CMIP: variants seen among roughly 807,000 people sequenced by gnomAD.
The protein encoded by CMIP is C-Maf-inducing protein.
In CMIP, 13 loss-of-function variants were observed where a neutral mutation model predicts 97.3. That is an observed-to-expected ratio of 0.13 (90% CI 0.09 to 0.21). The LOEUF (loss-of-function observed/expected upper bound fraction) is 0.21, where lower values mean the gene tolerates loss of function less well. CMIP is among the 10% of genes least tolerant of loss of function. The pLI is 1.00. For synonymous variants in CMIP, 538 were observed against 436.3 expected, an observed-to-expected ratio of 1.23 and a Z score of -2.91; for missense variants, 847 against 1,024.9, an observed-to-expected ratio of 0.83 and a Z score of 2.37.
At chr16:81,592,403 C>A (rs540247233) in intron 1 of CMIP, among the ~76,000 whole-genome samples, 1 of 152,182 alleles carries the variant, frequency 6.6e-6, no homozygotes, top group Non-Finnish European at 1.5e-5. Flanking sequence ...ATGCCTGGCG[C>A]TCCCCTCCTT....
At chr16:81,537,831 A>C (rs1332826924) in intron 1 of CMIP, among the ~76,000 whole-genome samples, 1 of 152,258 alleles carries the variant, frequency 6.6e-6, no homozygotes, top group Non-Finnish European at 1.5e-5. Context: ...ATGAAGTGGC[A>C]GCAAGAGATT....
At chr16:81,639,745 A>C (rs16955705) in intron 3 of CMIP, among the ~76,000 whole-genome samples, 53,055 of 152,056 alleles carry the variant, frequency 0.35, 11,015 homozygotes, top group Non-Finnish European at 0.46. Flanking sequence ...ACCGGCGCTC[A>C]AAAAAGTCCT....
chr16:81,547,176 G>A (rs550578173), intron 1 of CMIP, among the ~76,000 whole-genome samples: 2 of 152,258 alleles, frequency 1.3e-5, no homozygotes, highest in East Asian at 3.9e-4. Context: ...GAGGAGGAGA[G>A]GGATAGCATA....
chr16:81,643,973 G>A (rs1746886372), intron 3 of CMIP, among the ~76,000 whole-genome samples: 1 of 152,096 alleles, frequency 6.6e-6, no homozygotes, highest in Admixed American at 6.5e-5. Context: ...GATTCCCGGA[G>A]GCACTAGGGT....
intron 1 of CMIP, among the ~76,000 whole-genome samples, chr16:81,579,388 C>T (rs542423213): frequency 1.4e-4 from 21 of 152,206 alleles, no homozygotes; most frequent in Non-Finnish European, 2.4e-4. Context: ...CAGCCCCTTC[C>T]TCTGTGCCCC....
intron 1 of CMIP, among the ~76,000 whole-genome samples, chr16:81,550,998 G>C (rs1299889522): frequency 2.2e-5 from 3 of 135,950 alleles, no homozygotes; most frequent in Non-Finnish European, 4.6e-5. Flanking sequence ...ACGCACCCCA[G>C]TCCCGTCACA....
At chr16:81,620,766 G>A (rs2091981734) in intron 2 of CMIP, 110 bp from the exon 3 acceptor site, 3 of 1,293,000 alleles carry the variant, frequency 2.3e-6, no homozygotes, top group Non-Finnish European at 3.3e-6. Context: ...GGGTCACAGG[G>A]CAGACGCTGT....
In CMIP at chr16:81,472,826, G is replaced by C. The variant is rs1186666080; in HGVS notation, c.300+27285G>C. Among the ~76,000 whole-genome samples the C allele has an allele frequency of 2.6e-5, 4 of 152,180 alleles. No individual in the cohort carries two copies. In the East Asian group the frequency reaches 7.7e-4, roughly 29 times the overall value. ...CACAGTGGGGTGTGGAGGCTGGAGG[G>C]ACATCCAGGGGCACATCGTGGCATC... On this transcript the variant is annotated intron_variant, in intron 1 of 20. Coordinates refer to ENST00000537098, the MANE Select transcript of CMIP (RefSeq NM_198390.3).
intron 1 of CMIP, among the ~76,000 whole-genome samples, chr16:81,587,359 G>C (rs143370232): frequency 1.3e-5 from 2 of 152,200 alleles, no homozygotes. Flanking sequence ...ATTTTGAAAG[G>C]TGGAGTGCTG....
chr16:81,686,613 C>T (rs1002583974), intron 10 of CMIP, among the ~76,000 whole-genome samples: 3 of 152,160 alleles, frequency 2.0e-5, no homozygotes, highest in Non-Finnish European at 2.9e-5. Flanking sequence ...TTCTTTTCTC[C>T]GCGTCTGGCA....
At chr16:81,683,754 T>C (rs1905105088) in intron 10 of CMIP, among the ~76,000 whole-genome samples, 1 of 147,732 alleles carries the variant, frequency 6.8e-6, no homozygotes, top group Non-Finnish European at 1.5e-5. Context: ...TTTTTTCTTT[T>C]TCTTTTTTTT....
intron 19 of CMIP, among the ~76,000 whole-genome samples, chr16:81,706,002 C>G (rs575540518): frequency 2.3e-4 from 35 of 152,218 alleles, no homozygotes; most frequent in Middle Eastern, 3.2e-3. Context: ...CCACTCCAGA[C>G]CTCCTGACTC....
At chr16:81,559,271 A>G (rs536570971) in intron 1 of CMIP, among the ~76,000 whole-genome samples, 2 of 152,314 alleles carry the variant, frequency 1.3e-5, no homozygotes, top group East Asian at 1.9e-4. Flanking sequence ...GTGACCCCCA[A>G]GAGTGGGGTG....
chr16:81,547,360 C>T (rs1224607224), intron 1 of CMIP, among the ~76,000 whole-genome samples: 7 of 152,186 alleles, frequency 4.6e-5, no homozygotes, highest in African/African-American at 1.7e-4. Context: ...GATGCTCTGC[C>T]ATCTCTGCAG....
intron 1 of CMIP, chr16:81,607,100 G>A (rs1187022519): frequency 6.4e-6 from 1 of 157,340 alleles, no homozygotes; most frequent in Admixed American, 6.3e-5. Flanking sequence ...TGTTGAGGAG[G>A]AGGGTGGGGC....
chr16:81,691,716 C>A, intron 10 of CMIP, 59 bp from the exon 11 acceptor site: 2 of 1,473,304 alleles, frequency 1.4e-6, no homozygotes, highest in Non-Finnish European at 1.9e-6. Context: ...GGACCAAAAA[C>A]AGTGCCATAA....
At chr16:81,511,907 C>A (rs1367824355) in intron 1 of CMIP, among the ~76,000 whole-genome samples, 1 of 152,168 alleles carries the variant, frequency 6.6e-6, no homozygotes, top group Non-Finnish European at 1.5e-5. Flanking sequence ...CGGCCACCAG[C>A]CACACATGGT....
chr16:81,696,847 T>G, intron 14 of CMIP, 180 bp downstream of exon 14: 2 of 620,952 alleles, frequency 3.2e-6, no homozygotes, highest in Non-Finnish European at 5.6e-6. Flanking sequence ...TGTCACTTAC[T>G]CATTTCTTAT....
intron 1 of CMIP, among the ~76,000 whole-genome samples, chr16:81,537,567 A>T (rs2090368684): frequency 1.4e-5 from 2 of 145,332 alleles, no homozygotes; most frequent in African/African-American, 2.5e-5. Context: ...AAAAAAAAAA[A>T]AAAAGACCCA....
Sources: allele counts gnomAD v4.1 joint callset (sites outside exome capture counted in the v4.1 genomes callset), GRCh38; gene constraint gnomAD v4.1.1; transcripts MANE v1.5; gene names NCBI Gene and HGNC (gene_info 2026-07-23, HGNC 2026-07-21).